The following ARG1 variants were observed in gnomAD, a reference collection of about 807,000 sequenced individuals.
The protein encoded by ARG1 is arginase-1.
In ARG1, 20 loss-of-function variants were observed where a neutral mutation model predicts 33.0. The ratio of observed to expected loss-of-function variants is 0.61; its 90% CI spans 0.43 to 0.88. The LOEUF is 0.88. Ranked by LOEUF, ARG1 falls within the 40% of genes least tolerant of loss-of-function variation. The probability of loss-of-function intolerance (pLI) is 0.00; values close to 1 mark genes in which losing one functional copy is unlikely to be tolerated. For missense variants in ARG1, 374 were observed against 384.7 expected (o/e 0.97, Z 0.23); for synonymous variants, 146 against 140.6 (o/e 1.04, Z -0.27).
At chr6:131,581,874 C>T (rs1388562312) in intron 4 of ARG1, among the ~76,000 whole-genome samples, 1 of 152,118 alleles carries the variant, frequency 6.6e-6, no homozygotes, top group South Asian at 2.1e-4. Flanking sequence ...GGGAGAAGCA[C>T]CTATCTAAAT....
intron 5 of ARG1, 109 bp downstream of exon 5, chr6:131,582,824 C>G: frequency 1.1e-6 from 1 of 917,470 alleles, no homozygotes; most frequent in Non-Finnish European, 1.8e-6. Flanking sequence ...GACACACACA[C>G]ACACACATGC....
At chr6:131,574,733 C>G (rs1028541444) in intron 1 of ARG1, among the ~76,000 whole-genome samples, 1 of 152,126 alleles carries the variant, frequency 6.6e-6, no homozygotes, top group Non-Finnish European at 1.5e-5. Flanking sequence ...GGGCAGATGA[C>G]TAAAATGTTG....
Position 131,581,264 on chromosome 6 carries a change from T to A in ARG1, c.351T>A (p.Asp117Glu), listed in dbSNP as rs754205928. ...SISGHARVHP[D>E]LGVIWVDAHT... ...CTGGCCATGCCAGGGTCCACCCTGA[T>A]CTTGGAGTCATCTGGGTGGATGCTC... Residue 117 changes from aspartate to glutamate, a missense_variant, in exon 4 of 8, where the codon GAT becomes GAA. By Grantham distance (45) the Asp-to-Glu change is conservative. Coordinates refer to ENST00000368087, the MANE Select transcript of ARG1 (RefSeq NM_000045.4). 3.1e-6 allele frequency: 5 copies of A among 1,613,942 alleles called. No individual in the cohort carries two copies. In the East Asian group the frequency reaches 1.1e-4, roughly 36 times the overall value.
chr6:131,575,843 C>T lies in ARG1; in HGVS notation c.58-820C>T, dbSNP rs1773587564. ...TCAAAACGGCAAGGGTAGAACTTCC[C>T]ATCATACTGTTAAGCAGGCCAAAAC... On this transcript the variant is annotated intron_variant, in intron 1 of 7. Coordinates refer to ENST00000368087, the MANE Select transcript of ARG1 (RefSeq NM_000045.4). 2.0e-5 allele frequency among the ~76,000 whole-genome samples: 3 copies of T among 152,120 alleles called. No homozygotes were observed. In the South Asian group the frequency reaches 6.2e-4, roughly 32 times the overall value.
intron 2 of ARG1, among the ~76,000 whole-genome samples, chr6:131,577,623 C>T (rs971628578): frequency 7.2e-5 from 11 of 151,766 alleles, no homozygotes; most frequent in African/African-American, 2.2e-4. Context: ...ATGGACTGGT[C>T]GGGCACGGTG....
At chr6:131,579,889 G>A (rs1017297413) in intron 3 of ARG1, among the ~76,000 whole-genome samples, 2 of 151,878 alleles carry the variant, frequency 1.3e-5, no homozygotes, top group African/African-American at 4.8e-5. Context: ...AGATGTCTAT[G>A]TTGTGTTCTC....
intron 2 of ARG1, among the ~76,000 whole-genome samples, chr6:131,577,859 G>A (rs1683367333): frequency 6.7e-6 from 1 of 149,704 alleles, no homozygotes; most frequent in African/African-American, 2.5e-5. Flanking sequence ...AGCTGAGATT[G>A]CGCCACTGCA....
At chr6:131,577,318 A>T (rs1037230206) in intron 2 of ARG1, among the ~76,000 whole-genome samples, 1 of 152,182 alleles carries the variant, frequency 6.6e-6, no homozygotes, top group Non-Finnish European at 1.5e-5. Flanking sequence ...AATGCAAATG[A>T]TACAGCCACT....
rs1585430178 is a variant in ARG1, at chr6:131,583,817, T to A, written c.878T>A (p.Val293Glu). The A allele has an allele frequency of 6.2e-7, 1 of 1,614,126 alleles. No individual in the cohort carries two copies. Among genetic ancestry groups the A allele is most frequent in the African/African-American group, 1.3e-5 (1 of 75,058 alleles). Residue 293 changes from valine to glutamate, a missense_variant, in exon 8 of 8, where the codon GTG becomes GAG. Coordinates refer to ENST00000368087, the MANE Select transcript of ARG1 (RefSeq NM_000045.4). Reference sequence around the variant, plus strand: ...ACACCAGAAGAAGTAACTCGAACAGTGAACACAGCAGTTGCAATAACCTTG... The same window carrying A: ...ACACCAGAAGAAGTAACTCGAACAGAGAACACAGCAGTTGCAATAACCTTG... The part of the protein sequence containing the change: ...GKTPEEVTRT[V>E]NTAVAITLAC...
chr6:131,582,735 T>G lies in ARG1; in HGVS notation c.560+20T>G, dbSNP rs999453499. On this transcript the variant is annotated intron_variant, in intron 5 of 7. Coordinates refer to ENST00000368087, the MANE Select transcript of ARG1 (RefSeq NM_000045.4). ...GGAACAGTAAGCTTATTCCTTGATG[T>G]GATTTGCCTCCATTTTTGTCCCTTT... 2 of 1,608,820 alleles carry G rather than the reference T, an allele frequency of 1.2e-6. No individual in the cohort carries two copies. The highest frequency in any genetic ancestry group is 2.2e-5 in the South Asian group (2 of 90,962).
chr6:131,583,744 C>A lies in ARG1; in HGVS notation c.805C>A (p.Leu269Ile). The change falls in exon 8 of 8, where the codon CTA becomes ATA. Residue 269 changes from leucine (L) to isoleucine (I), a missense_variant and splice_region_variant. Transcript: ENST00000368087. ...YITEEIYKTG[L>I]LSGLDIMEVN... Reference sequence around the variant, plus strand: ...ATTATTACAATTTGTTGTTGTAGGGCTACTCTCAGGATTAGATATAATGGA... The same window carrying A: ...ATTATTACAATTTGTTGTTGTAGGGATACTCTCAGGATTAGATATAATGGA... 6.2e-7 allele frequency: 1 copy of A among 1,613,576 alleles called. No homozygotes were observed. The highest frequency in any genetic ancestry group is 8.5e-7 in the Non-Finnish European group (1 of 1,179,540).
In ARG1 at chr6:131,574,354, A is replaced by G. The variant is rs76388742; in HGVS notation, c.57+1015A>G. 3,673 of 1,593,050 alleles carry G rather than the reference A, an allele frequency of 2.3e-3. 83 individuals are homozygous for G. In the African/African-American group the frequency reaches 0.042, roughly 18 times the overall value. On this transcript the variant is annotated intron_variant, in intron 1 of 7. Coordinates refer to ENST00000368087, the MANE Select transcript of ARG1 (RefSeq NM_000045.4). ...AGGCCCAAACTGCATTTGGACTGTC[A>G]GTAAATACTACTTTGCTTCCCCTGG...
At chr6:131,574,820 A>G (rs934735537) in intron 1 of ARG1, among the ~76,000 whole-genome samples, 2 of 152,188 alleles carry the variant, frequency 1.3e-5, no homozygotes, top group Admixed American at 6.5e-5. Flanking sequence ...TAAGGTAGGT[A>G]TTATTTTTAC....
chr6:131,583,391 C>CAGACT lies in ARG1; in HGVS notation c.702_703insAGACT (p.Gly235ArgfsTer20). ...CAATTCATCTAAGTTTTGATGTTGA[C>CAGACT]GGACTGGACCCATCTTTCACACCAG... is the stretch of plus-strand genomic sequence containing the variant. On this transcript the variant is annotated frameshift_variant, in exon 7 of 8. Transcript: ENST00000368087. LOFTEE classifies it high-confidence loss of function. 6.2e-7 allele frequency: 1 copy of CAGACT among 1,614,106 alleles called. No homozygotes were observed. The highest frequency in any genetic ancestry group is 8.5e-7 in the Non-Finnish European group (1 of 1,179,984).
Position 131,583,579 on chromosome 6 carries a change from C to T in ARG1, c.802+88C>T, listed in dbSNP as rs17599586. 0.12 allele frequency: 182,946 copies of T among 1,561,086 alleles called. 11,387 individuals are homozygous for T. Among genetic ancestry groups the T allele is most frequent in the Middle Eastern group, 0.2 (1,183 of 5,784 alleles). On this transcript the variant is annotated intron_variant, in intron 7 of 7. Coordinates refer to ENST00000368087, the MANE Select transcript of ARG1 (RefSeq NM_000045.4). ...TCCTTGACCTGAAACCAAGTCCCAG[C>T]TGACACTTTCAGAATGTCCATCAGT...
In ARG1 at chr6:131,576,664, C is replaced by G. The variant is rs766662245; in HGVS notation, c.59C>G (p.Pro20Arg). 1 of 1,613,648 alleles carries G rather than the reference C, an allele frequency of 6.2e-7. No homozygotes were observed. The highest frequency in any genetic ancestry group is 8.5e-7 in the Non-Finnish European group (1 of 1,179,672). Residue 20 changes from proline (P) to arginine (R), a missense_variant and splice_region_variant, in exon 2 of 8, where the codon CCA becomes CGA. Coordinates refer to ENST00000368087, the MANE Select transcript of ARG1 (RefSeq NM_000045.4). ...GTACTTTATTTTTTAATTGTTCAGC[C>G]ACGAGGAGGGGTGGAAGAAGGCCCT... is the stretch of plus-strand genomic sequence containing the variant. ...IIGAPFSKGQ[P>R]RGGVEEGPTV...
chr6:131,579,139 G>A lies in ARG1; in HGVS notation c.159G>A (p.Leu53=), dbSNP rs535161157. The change falls in exon 3 of 8, where the codon CTG becomes CTA. Residue 53 remains leucine, a synonymous_variant. Transcript: ENST00000368087. ...QECDVKDYGD[L]PFADIPNDSP... is the part of the protein sequence containing the mutation. The stretch of plus-strand genomic sequence containing the variant: ...GTGATGTGAAGGATTATGGGGACCT[G>A]CCCTTTGCTGACATCCCTAATGACA... The A allele has an allele frequency of 1.2e-6, 2 of 1,614,164 alleles. No individual in the cohort carries two copies. Among genetic ancestry groups the A allele is most frequent in the Non-Finnish European group, 1.7e-6 (2 of 1,180,018 alleles).
intron 2 of ARG1, among the ~76,000 whole-genome samples, chr6:131,578,338 A>G (rs560843759): frequency 6.6e-6 from 1 of 152,310 alleles, no homozygotes; most frequent in South Asian, 2.1e-4. Flanking sequence ...TCACACAGAC[A>G]TGTAACAAAT....
Position 131,581,312 on chromosome 6 carries a change from G to A in ARG1, c.399G>A (p.Leu133=). Residue 133 remains leucine, a synonymous_variant, in exon 4 of 8, where the codon CTG becomes CTA. Transcript: ENST00000368087. ...CTCACACTGATATCAACACTCCACT[G>A]ACAACCACAAGTGGAAACTTGCATG... ...VDAHTDINTP[L]TTTSGNLHGQ... The A allele has an allele frequency of 1.9e-6, 3 of 1,613,890 alleles. No individual in the cohort carries two copies. The highest frequency in any genetic ancestry group is 2.5e-6 in the Non-Finnish European group (3 of 1,179,858).
Sources: gnomAD v4.1 joint callset for allele counts (sites outside exome capture counted in the v4.1 genomes callset) on GRCh38, gnomAD v4.1.1 for gene constraint, MANE v1.5 for transcripts, NCBI Gene and HGNC (gene_info 2026-07-23, HGNC 2026-07-21) for gene names.